The following METTL15 variants were observed in gnomAD, a reference collection of about 807,000 sequenced individuals.
METTL15 encodes the protein 12S rRNA N(4)-cytidine methyltransferase METTL15.
Under a neutral mutation model 38.3 loss-of-function variants are expected in METTL15, and 34 were observed. That is an observed-to-expected ratio of 0.89 (90% CI 0.68 to 1.18). METTL15 has a LOEUF of 1.18. Ranked by LOEUF, METTL15 falls within the 50% of genes most tolerant of loss-of-function variation. The pLI, the probability that METTL15 is intolerant of heterozygous loss-of-function variation, is 0.00. For synonymous variants in METTL15, 162 were observed against 170.9 expected, an observed-to-expected ratio of 0.95 and a Z score of 0.41; for missense variants, 438 against 498.4, an observed-to-expected ratio of 0.88 and a Z score of 1.15.
intron 3 of METTL15, chr11:28,122,257 A>T (rs1333777133): frequency 9.6e-7 from 1 of 1,039,600 alleles, no homozygotes; most frequent in Non-Finnish European, 1.3e-6. Context: ...ATATCATGTT[A>T]TAAAATGTGA....
At chr11:28,472,828 C>G (rs1851314121) in intron 6 of METTL15, among the ~76,000 whole-genome samples, 2 of 152,144 alleles carry the variant, frequency 1.3e-5, no homozygotes. Context: ...ACAAGAAATT[C>G]TTTGTGATGC....
chr11:28,495,349 G>T (rs1003555500), intron 6 of METTL15, among the ~76,000 whole-genome samples: 10 of 152,068 alleles, frequency 6.6e-5, no homozygotes, highest in Non-Finnish European at 1.0e-4. Context: ...CTGGAGGATG[G>T]GCCAGAGGAT....
intron 4 of METTL15, among the ~76,000 whole-genome samples, chr11:28,268,525 CACTG>C (rs1159075117): frequency 6.6e-6 from 1 of 152,060 alleles, no homozygotes; most frequent in African/African-American, 2.4e-5. Context: ...TTTAAGATAA[CACTG>C]ACTGTTTCAG....
intron 4 of METTL15, among the ~76,000 whole-genome samples, chr11:28,220,354 G>C (rs148515183): frequency 1.1e-4 from 16 of 152,250 alleles, no homozygotes; most frequent in African/African-American, 3.9e-4. Context: ...TTGGTTTAAA[G>C]TGTGTTTTAT....
At position 28,122,738 on chromosome 11, in the gene METTL15, CA is replaced by C. The variant is rs555695887; in HGVS notation, c.270+9135del. 3.6e-3 allele frequency among the ~76,000 whole-genome samples: 542 copies of C among 151,740 alleles called. 4 individuals are homozygous for C. The highest frequency in any genetic ancestry group is 0.012 in the African/African-American group (513 of 41,458). ...TACCACTGAATTAATGCATTTTCATCATATATAATTCTCTTTATTTGAATTG... is the reference window on the plus strand; with the variant it reads ...TACCACTGAATTAATGCATTTTCATCTATATAATTCTCTTTATTTGAATTG... On this transcript the variant is annotated intron_variant, in intron 3 of 6. Transcript: ENST00000407364.
At chr11:28,520,824 C>A (rs1851758865) in intron 6 of METTL15, among the ~76,000 whole-genome samples, 1 of 152,182 alleles carries the variant, frequency 6.6e-6, no homozygotes, top group Non-Finnish European at 1.5e-5. Context: ...GTGGTGATAT[C>A]AATTAACTAG....
intron 3 of METTL15, among the ~76,000 whole-genome samples, chr11:28,194,122 A>ATCTTTCTC: frequency 1.0e-5 from 1 of 99,168 alleles, no homozygotes; most frequent in African/African-American, 4.0e-5. Flanking sequence ...TTGATGGTTG[A>ATCTTTCTC]TCTTTCTTTC....
intron 6 of METTL15, among the ~76,000 whole-genome samples, chr11:28,499,155 C>T (rs959292320): frequency 1.3e-5 from 2 of 152,168 alleles, no homozygotes; most frequent in Non-Finnish European, 2.9e-5. Flanking sequence ...CCTCAGGGGT[C>T]TGCTGGTCTC....
At chr11:28,172,325 G>A (rs943890873) in intron 3 of METTL15, among the ~76,000 whole-genome samples, 4 of 151,994 alleles carry the variant, frequency 2.6e-5, no homozygotes, top group Non-Finnish European at 4.4e-5. Flanking sequence ...TTATTCTAGG[G>A]TTGATTAGTT....
chr11:28,295,303 T>C (rs1856690406), intron 5 of METTL15, among the ~76,000 whole-genome samples: 1 of 152,128 alleles, frequency 6.6e-6, no homozygotes, highest in African/African-American at 2.4e-5. Flanking sequence ...TTAAAAGTCT[T>C]ACTCAGTATG....
At chr11:28,276,281 A>G (rs968924960) in intron 4 of METTL15, among the ~76,000 whole-genome samples, 1 of 152,160 alleles carries the variant, frequency 6.6e-6, no homozygotes, top group African/African-American at 2.4e-5. Flanking sequence ...AAAAGTCAGT[A>G]ACACTTTTAT....
intron 6 of METTL15, among the ~76,000 whole-genome samples, chr11:28,328,803 T>C (rs1199033044): frequency 6.6e-6 from 1 of 152,098 alleles, no homozygotes; most frequent in Non-Finnish European, 1.5e-5. Context: ...TTTTAAAATA[T>C]GATATAAATA....
chr11:28,338,886 A>G (rs1432204246), intron 3 of METTL15, among the ~76,000 whole-genome samples: 1 of 152,112 alleles, frequency 6.6e-6, no homozygotes, highest in Admixed American at 6.6e-5. Context: ...AATCTAGGTG[A>G]AAGCATCAGA....
At chr11:28,182,743 T>A (rs972467066) in intron 3 of METTL15, among the ~76,000 whole-genome samples, 3 of 152,152 alleles carry the variant, frequency 2.0e-5, no homozygotes, top group African/African-American at 7.2e-5. Context: ...ATGCGGGGTC[T>A]TATTTAGTTC....
At chr11:28,446,918 A>G (rs1372711831) in intron 6 of METTL15, among the ~76,000 whole-genome samples, 1 of 152,170 alleles carries the variant, frequency 6.6e-6, no homozygotes, top group Non-Finnish European at 1.5e-5. Context: ...ACAAGAATAC[A>G]TACACACATA....
chr11:28,360,973 A>G (rs554561513), intron 4 of METTL15, among the ~76,000 whole-genome samples: 1 of 152,046 alleles, frequency 6.6e-6, no homozygotes, highest in African/African-American at 2.4e-5. Context: ...CCATGTCCCT[A>G]CAAAGGACAT....
At chr11:28,208,882 A>G (rs1852494479) in intron 3 of METTL15, among the ~76,000 whole-genome samples, 1 of 152,052 alleles carries the variant, frequency 6.6e-6, no homozygotes. Flanking sequence ...CATGTGATGA[A>G]CAATGAATAT....
chr11:28,361,361 G>A lies in METTL15; in HGVS notation c.*259-576G>A, dbSNP rs7117959. Among the ~76,000 whole-genome samples, 296 of 152,112 alleles carry A rather than the reference G, an allele frequency of 1.9e-3. 1 individual carries two copies. Among genetic ancestry groups the A allele is most frequent in the African/African-American group, 6.7e-3 (277 of 41,488 alleles). On this transcript the variant is annotated intron_variant and NMD_transcript_variant, in intron 4 of 7. Transcript: ENST00000532947. ...TTTAATGATTGCCATTCTAACTGGTGTGAGATGGTATCTCATTGTGGTTTT... is the reference window on the plus strand; with the variant it reads ...TTTAATGATTGCCATTCTAACTGGTATGAGATGGTATCTCATTGTGGTTTT...
chr11:28,474,764 T>A (rs1422729198), intron 6 of METTL15, among the ~76,000 whole-genome samples: 1 of 152,198 alleles, frequency 6.6e-6, no homozygotes, highest in Non-Finnish European at 1.5e-5. Context: ...ATTCCCTGTA[T>A]GTGGGATTTG....
Sources: gnomAD v4.1 joint callset for allele counts (sites outside exome capture counted in the v4.1 genomes callset) on GRCh38, gnomAD v4.1.1 for gene constraint, MANE v1.5 for transcripts, NCBI Gene and HGNC (gene_info 2026-07-23, HGNC 2026-07-21) for gene names.